MAP2K5: variants seen among roughly 807,000 people sequenced by gnomAD.
MAP2K5 encodes the protein mitogen-activated protein kinase kinase 5.
A neutral mutation model predicts 83.1 loss-of-function variants in MAP2K5; 49 were observed. The ratio of observed to expected loss-of-function variants is 0.59; its 90% CI spans 0.47 to 0.75. The LOEUF is 0.75. Among genes scored for constraint, MAP2K5 ranks in the 30% least tolerant of loss-of-function variants. The pLI, the probability that MAP2K5 is intolerant of heterozygous loss-of-function variation, is 0.00. For missense variants in MAP2K5, 457 were observed against 557.5 expected, an observed-to-expected ratio of 0.82 and a Z score of 1.82; for synonymous variants, 202 against 191.8, an observed-to-expected ratio of 1.05 and a Z score of -0.44.
At position 67,749,106 on chromosome 15, in the gene MAP2K5, A is replaced by G. The variant is rs1196707001; in HGVS notation, c.1134+505A>G. Among the ~76,000 whole-genome samples, 3 of 152,198 alleles carry G rather than the reference A, an allele frequency of 2.0e-5. No homozygotes were observed. Among genetic ancestry groups the G allele is most frequent in the Non-Finnish European group, 4.4e-5 (3 of 68,032 alleles). ...TTCCTAATTAGGCATTTTTCTCAGA[A>G]TATGTCCCTAACATCTTGTGTATTC... On this transcript the variant is annotated intron_variant, in intron 19 of 21. Coordinates refer to ENST00000178640, the MANE Select transcript of MAP2K5 (RefSeq NM_145160.3). This position sits in a 1 kb window ranked among gnomAD's most constrained non-coding sequence, Gnocchi z 4.6.
At chr15:67,599,635 A>C (rs2085608998) in intron 7 of MAP2K5, among the ~76,000 whole-genome samples, 1 of 151,096 alleles carries the variant, frequency 6.6e-6, no homozygotes, top group Non-Finnish European at 1.5e-5. Flanking sequence ...TGAATTAAAA[A>C]CTCCATCCAT....
intron 13 of MAP2K5, among the ~76,000 whole-genome samples, chr15:67,684,396 C>G (rs970013734): frequency 2.1e-4 from 32 of 152,296 alleles, no homozygotes; most frequent in African/African-American, 7.5e-4. Context: ...TTACTCTCAA[C>G]TCTCCTAAAA....
intron 13 of MAP2K5, among the ~76,000 whole-genome samples, chr15:67,686,534 C>T (rs918182321): frequency 3.3e-5 from 5 of 151,392 alleles, no homozygotes; most frequent in African/African-American, 1.2e-4. Flanking sequence ...ACCCAGGAGG[C>T]AGAGGTTGCA....
chr15:67,553,291 C>A (rs2084549387), intron 2 of MAP2K5, among the ~76,000 whole-genome samples: 1 of 152,142 alleles, frequency 6.6e-6, no homozygotes, highest in South Asian at 2.1e-4. Context: ...TCTTTATCCC[C>A]AAGTGTGTCA....
At chr15:67,673,240 C>T (rs2087592538) in intron 13 of MAP2K5, among the ~76,000 whole-genome samples, 1 of 151,612 alleles carries the variant, frequency 6.6e-6, no homozygotes, top group African/African-American at 2.4e-5. Flanking sequence ...ATGGTAGATC[C>T]ACCGGAAGTT....
At chr15:67,593,012 T>G (rs982014626) in intron 7 of MAP2K5, 38 bp downstream of exon 7, 2 of 1,343,278 alleles carry the variant, frequency 1.5e-6, no homozygotes, top group African/African-American at 2.9e-5. Flanking sequence ...CACATAATAA[T>G]AACATATTAC....
At chr15:67,593,024 G>T in intron 7 of MAP2K5, 50 bp downstream of exon 7, 1 of 1,239,288 alleles carries the variant, frequency 8.1e-7, no homozygotes, top group Non-Finnish European at 1.2e-6. Flanking sequence ...ACATATTACC[G>T]TCCAGTTTTT....
At chr15:67,691,275 A>G (rs2088107862) in intron 13 of MAP2K5, among the ~76,000 whole-genome samples, 2 of 152,246 alleles carry the variant, frequency 1.3e-5, no homozygotes. Context: ...TTTACATTCA[A>G]ATGTCAGTTA....
In MAP2K5 at chr15:67,644,438, T is replaced by G. The variant is rs1473179249; in HGVS notation, c.586-1793T>G. Among the ~76,000 whole-genome samples, 1 of 152,084 alleles carries G rather than the reference T, an allele frequency of 6.6e-6. No homozygotes were observed. Among genetic ancestry groups the G allele is most frequent in the African/African-American group, 2.4e-5 (1 of 41,420 alleles). On this transcript the variant is annotated intron_variant, in intron 9 of 21. Transcript: ENST00000178640. The surrounding 1 kb of genome is among the most constrained non-coding windows in gnomAD (Gnocchi z 4.6). ...ATAAAACAATTACTCTTGAATTAGT[T>G]TCACTGACATGCTTAGTAGAATTTG...
Position 67,646,415 on chromosome 15 carries a change from T to C in MAP2K5, c.682T>C (p.Tyr228His). 6.2e-7 allele frequency: 1 copy of C among 1,603,430 alleles called. No individual in the cohort carries two copies. ...KCDSSYIIGF[Y>H]GAFFVENRIS... ...CGATTCATCATATATCATTGGATTT[T>C]ATGGAGCATTTTTTGTAGAAAACAG... Residue 228 changes from tyrosine to histidine, a missense_variant, in exon 11 of 22, where the codon TAT becomes CAT. Around this residue, in one of 3 missense-constraint regions of MAP2K5, gnomAD observed 168 missense variants for 263.0 expected, o/e 0.64. Coordinates refer to ENST00000178640, the MANE Select transcript of MAP2K5 (RefSeq NM_145160.3).
rs1010281366 is a variant in MAP2K5 at position 67,638,009 on chromosome 15, T to A, written c.585+7082T>A. 3.3e-5 allele frequency among the ~76,000 whole-genome samples: 5 copies of A among 151,980 alleles called. No individual in the cohort carries two copies. Among genetic ancestry groups the A allele is most frequent in the South Asian group, 2.1e-4 (1 of 4,816 alleles). ...TTTTAACTTTTAATTTAACTTTTTT[T>A]AACTTTTTTTTACTTTTAATTTTTT... On this transcript the variant is annotated intron_variant, in intron 9 of 21. Coordinates refer to ENST00000178640, the MANE Select transcript of MAP2K5 (RefSeq NM_145160.3). The surrounding 1 kb of genome is among the most constrained non-coding windows in gnomAD (Gnocchi z 4.5).
At chr15:67,715,923 C>G (rs1476010248) in intron 16 of MAP2K5, among the ~76,000 whole-genome samples, 1 of 152,196 alleles carries the variant, frequency 6.6e-6, no homozygotes, top group Non-Finnish European at 1.5e-5. Context: ...AATGTCCCAT[C>G]CCTGGGGACA....
In MAP2K5 at chr15:67,722,825, A is replaced by C. The variant is rs1400725533; in HGVS notation, c.1045-5091A>C. Among the ~76,000 whole-genome samples, 1 of 152,234 alleles carries C rather than the reference A, an allele frequency of 6.6e-6. No individual in the cohort carries two copies. Among genetic ancestry groups the C allele is most frequent in the African/African-American group, 2.4e-5 (1 of 41,452 alleles). On this transcript the variant is annotated intron_variant, in intron 16 of 21. Transcript: ENST00000178640. The surrounding 1 kb of genome is among the most constrained non-coding windows in gnomAD (Gnocchi z 4.2). ...ATGCAAAATCCTTAGATGGAAATTTAATTGTGTAAAATGTACACAAGGTAA... is the reference window on the plus strand; with the variant it reads ...ATGCAAAATCCTTAGATGGAAATTTCATTGTGTAAAATGTACACAAGGTAA...
rs2089867175 is a variant in MAP2K5, at chr15:67,757,701, A to T, written c.1134+9100A>T. Among the ~76,000 whole-genome samples the T allele has an allele frequency of 6.6e-6, 1 of 152,188 alleles. No homozygotes were observed. The highest frequency in any genetic ancestry group is 2.4e-5 in the African/African-American group (1 of 41,438). On this transcript the variant is annotated intron_variant, in intron 19 of 21. Coordinates refer to ENST00000178640, the MANE Select transcript of MAP2K5 (RefSeq NM_145160.3). This position sits in a 1 kb window ranked among gnomAD's most constrained non-coding sequence, Gnocchi z 4.9. ...CAGATCACTAAACTGCAGGTAATGT[A>T]AGTGATACGAGACTTGATGGCCTGG...
intron 1 of MAP2K5, chr15:67,549,141 A>G (rs1357337364): frequency 1.3e-6 from 2 of 1,535,380 alleles, no homozygotes; most frequent in Non-Finnish European, 1.7e-6. Context: ...GAGCTCCTGG[A>G]GAGAAATGAG....
chr15:67,593,958 C>A (rs897226861), intron 7 of MAP2K5, among the ~76,000 whole-genome samples: 1 of 152,178 alleles, frequency 6.6e-6, no homozygotes, highest in Non-Finnish European at 1.5e-5. Flanking sequence ...TTTAATATCA[C>A]CTGTAACATT....
chr15:67,771,256 C>T (rs1444482217), intron 20 of MAP2K5, among the ~76,000 whole-genome samples: 1 of 152,018 alleles, frequency 6.6e-6, no homozygotes, highest in Non-Finnish European at 1.5e-5. Flanking sequence ...ACAAACCATG[C>T]GATTCCTCTA....
At chr15:67,733,923 A>G (rs1371386611) in intron 17 of MAP2K5, among the ~76,000 whole-genome samples, 1 of 152,214 alleles carries the variant, frequency 6.6e-6, no homozygotes, top group Non-Finnish European at 1.5e-5. Context: ...CCTATATACT[A>G]CATATCAAAG....
chr15:67,662,546 G>T (rs528876072), intron 12 of MAP2K5, among the ~76,000 whole-genome samples: 3 of 152,112 alleles, frequency 2.0e-5, no homozygotes, highest in Non-Finnish European at 4.4e-5. Flanking sequence ...AAATTGGTAA[G>T]TTCACGCTCA....
Sources: allele counts gnomAD v4.1 joint callset (sites outside exome capture counted in the v4.1 genomes callset), GRCh38; gene constraint gnomAD v4.1.1; regional missense constraint gnomAD v4.1.1; non-coding constraint Gnocchi (gnomAD v3.1); transcripts MANE v1.5; gene names NCBI Gene and HGNC (gene_info 2026-07-23, HGNC 2026-07-21).